Variants in TRIM71 observed in about 807,000 individuals in gnomAD.
The protein encoded by TRIM71 is E3 ubiquitin-protein ligase TRIM71.
Under a neutral mutation model 61.2 loss-of-function variants are expected in TRIM71, and 9 were observed. That is an observed-to-expected ratio of 0.15 (90% CI 0.09 to 0.26). TRIM71 has a LOEUF of 0.26. Ranked by LOEUF, TRIM71 falls within the 10% of genes least tolerant of loss-of-function variation. The pLI, the probability that TRIM71 is intolerant of heterozygous loss-of-function variation, is 1.00. For synonymous variants in TRIM71, 645 were observed against 553.2 expected (o/e 1.17, Z -2.33); for missense variants, 998 against 1,238.7 (o/e 0.81, Z 2.92).
Position 32,886,088 on chromosome 3 carries a change from C to G in TRIM71, c.1155+20C>G, listed in dbSNP as rs369436221. 86 of 1,605,062 alleles carry G rather than the reference C, an allele frequency of 5.4e-5. No homozygotes were observed. The highest frequency in any genetic ancestry group is 6.6e-5 in the Non-Finnish European group (78 of 1,175,856). ...TGGAAGGTAACAGGGAGAGCTCCCC[C>G]ACCCAGGCTGTGCCCACTCGGCTTC... On this transcript the variant is annotated intron_variant, in intron 3 of 3. Coordinates refer to ENST00000383763, the MANE Select transcript of TRIM71 (RefSeq NM_001039111.3).
rs1283790803 is a variant in TRIM71, at chr3:32,818,858, T to G, written c.778T>G (p.Phe260Val). The change falls in exon 1 of 4, where the codon TTT becomes GTT. Residue 260 changes from phenylalanine to valine, a missense_variant. Around this residue, in one of 5 missense-constraint regions of TRIM71, gnomAD observed 527 missense variants for 427.8 expected, o/e 1.23. Coordinates refer to ENST00000383763, the MANE Select transcript of TRIM71 (RefSeq NM_001039111.3). Reference protein sequence around the residue: ...AAQQLGLGPPFPGPPFSILSV... With the variant: ...AAQQLGLGPPVPGPPFSILSV... ...GCAGCAGCTCGGGCTCGGGCCGCCC[T>G]TTCCCGGCCCGCCCTTCTCCATCCT... 3 of 1,612,252 alleles carry G rather than the reference T, an allele frequency of 1.9e-6. No individual in the cohort carries two copies. The Admixed American group carries it at 5.0e-5, about 27-fold the overall frequency.
chr3:32,827,016 G>C (rs565358231), intron 1 of TRIM71, among the ~76,000 whole-genome samples: 1 of 151,874 alleles, frequency 6.6e-6, no homozygotes, highest in Non-Finnish European at 1.5e-5. Context: ...CACCCGCCTC[G>C]GCCTCCCAAA....
chr3:32,865,095 C>T (rs1275991319), intron 1 of TRIM71, among the ~76,000 whole-genome samples: 3 of 152,076 alleles, frequency 2.0e-5, no homozygotes, highest in East Asian at 1.9e-4. Context: ...TTTGGGAGGC[C>T]GAGGCAGTCG....
At chr3:32,843,153 C>G (rs560814519) in intron 1 of TRIM71, among the ~76,000 whole-genome samples, 2 of 152,180 alleles carry the variant, frequency 1.3e-5, no homozygotes, top group South Asian at 4.2e-4. Context: ...TCAAGTCATG[C>G]CTTTGTTGAG....
chr3:32,884,014 C>G (rs1459977623), intron 2 of TRIM71, among the ~76,000 whole-genome samples: 1 of 152,202 alleles, frequency 6.6e-6, no homozygotes, highest in Non-Finnish European at 1.5e-5. Flanking sequence ...CCCAGTTCCC[C>G]TGTGAATCAG....
intron 1 of TRIM71, among the ~76,000 whole-genome samples, chr3:32,831,935 G>C (rs1031911819): frequency 1.3e-5 from 2 of 152,160 alleles, no homozygotes; most frequent in Non-Finnish European, 2.9e-5. Context: ...AGAACTTGAT[G>C]TGTTAAAATT....
rs1697091758 is a variant in TRIM71, at chr3:32,897,497, T to A, written c.*5686T>A. ...AAACCTTTAGGCAAAAGTGAGTTTT[T>A]GTTTGGTTGATTTTGGGTTTTTTTC... On this transcript the variant is annotated 3_prime_UTR_variant, in exon 4 of 4. Coordinates refer to ENST00000383763, the MANE Select transcript of TRIM71 (RefSeq NM_001039111.3). The A allele has an allele frequency of 6.6e-6, 1 of 152,064 alleles. No individual in the cohort carries two copies. Among genetic ancestry groups the A allele is most frequent in the Admixed American group, 6.5e-5 (1 of 15,272 alleles). The allele number at this position is 152,064 out of a possible 1,614,324, so 9.4% of individuals were successfully genotyped here. A position where few individuals can be genotyped will look rare whatever the true frequency, so the allele number is the denominator to read the frequency against.
chr3:32,867,626 A>G (rs908560264), intron 1 of TRIM71, among the ~76,000 whole-genome samples: 7 of 152,174 alleles, frequency 4.6e-5, no homozygotes, highest in Non-Finnish European at 8.8e-5. Context: ...CCAGAATCTT[A>G]CATATTTATT....
intron 1 of TRIM71, among the ~76,000 whole-genome samples, chr3:32,869,952 G>A (rs1559547454): frequency 6.6e-6 from 1 of 152,324 alleles, no homozygotes; most frequent in South Asian, 2.1e-4. Context: ...TAGACGACCT[G>A]TTCTTCCCAG....
intron 1 of TRIM71, among the ~76,000 whole-genome samples, chr3:32,850,871 G>A (rs902609028): frequency 2.0e-5 from 3 of 152,244 alleles, no homozygotes; most frequent in Admixed American, 6.5e-5. Context: ...ATCAGATCCC[G>A]AAATCTCAAG....
chr3:32,844,324 TCA>T (rs1696446117), intron 1 of TRIM71, among the ~76,000 whole-genome samples: 1 of 152,198 alleles, frequency 6.6e-6, no homozygotes, highest in African/African-American at 2.4e-5. Flanking sequence ...GGATTTTAGG[TCA>T]CAACAGAGTT....
chr3:32,851,561 C>T (rs1179491612), intron 1 of TRIM71, among the ~76,000 whole-genome samples: 5 of 152,080 alleles, frequency 3.3e-5, no homozygotes, highest in African/African-American at 1.2e-4. Context: ...TCACTGCTAC[C>T]GTCGCCTCCC....
chr3:32,862,129 T>C (rs1011049967), intron 1 of TRIM71, among the ~76,000 whole-genome samples: 23 of 152,260 alleles, frequency 1.5e-4, no homozygotes, highest in African/African-American at 5.5e-4. Flanking sequence ...GCTCTAGGCC[T>C]TATCAACCAA....
At chr3:32,819,602 C>T (rs1696105253) in intron 1 of TRIM71, among the ~76,000 whole-genome samples, 1 of 152,178 alleles carries the variant, frequency 6.6e-6, no homozygotes, top group South Asian at 2.1e-4. Context: ...TCTGCGGCTG[C>T]TTCCTATATT....
chr3:32,866,881 A>C (rs1336923911), intron 1 of TRIM71, among the ~76,000 whole-genome samples: 6 of 152,250 alleles, frequency 3.9e-5, no homozygotes, highest in Admixed American at 3.3e-4. Flanking sequence ...GGTAGTGAAG[A>C]ATTTTTAAAG....
intron 2 of TRIM71, among the ~76,000 whole-genome samples, chr3:32,883,892 G>A (rs1696933899): frequency 6.6e-6 from 1 of 152,218 alleles, no homozygotes; most frequent in East Asian, 1.9e-4. Flanking sequence ...AAACATTACA[G>A]AAATGTGCTG....
chr3:32,877,876 G>C (rs1207047320), intron 2 of TRIM71, among the ~76,000 whole-genome samples: 3 of 152,134 alleles, frequency 2.0e-5, no homozygotes, highest in African/African-American at 7.2e-5. Context: ...GTTGGGATCA[G>C]CTTCTTCAAA....
chr3:32,889,535 T>G (rs543892600), intron 3 of TRIM71, among the ~76,000 whole-genome samples: 23 of 150,584 alleles, frequency 1.5e-4, no homozygotes, highest in Non-Finnish European at 3.4e-4. Context: ...TCTCCAGATT[T>G]ACTGATTATG....
At chr3:32,849,198 T>C (rs1187222718) in intron 1 of TRIM71, among the ~76,000 whole-genome samples, 1 of 152,166 alleles carries the variant, frequency 6.6e-6, no homozygotes, top group Non-Finnish European at 1.5e-5. Context: ...CCCAGTCTTG[T>C]GGAGCTACTA....
Sources: gnomAD v4.1 joint callset for allele counts (sites outside exome capture counted in the v4.1 genomes callset) on GRCh38, gnomAD v4.1.1 for gene constraint, gnomAD v4.1.1 regional missense constraint, MANE v1.5 for transcripts, NCBI Gene and HGNC (gene_info 2026-07-23, HGNC 2026-07-21) for gene names.